Variants in PDE3B observed in about 807,000 individuals in gnomAD.
PDE3B encodes cGMP-inhibited 3',5'-cyclic phosphodiesterase 3B.
A neutral mutation model predicts 116.8 loss-of-function variants in PDE3B; 66 were observed. The ratio of observed to expected loss-of-function variants is 0.56; its 90% CI spans 0.46 to 0.69. The LOEUF is 0.69. Among genes scored for constraint, PDE3B ranks in the 30% least tolerant of loss-of-function variants. The pLI, the probability that PDE3B is intolerant of heterozygous loss-of-function variation, is 0.00. For missense variants in PDE3B, 1,384 were observed against 1,368.1 expected (o/e 1.01, Z -0.18); for synonymous variants, 595 against 533.6 (o/e 1.12, Z -1.59).
intron 1 of PDE3B, among the ~76,000 whole-genome samples, chr11:14,664,513 C>T (rs1023927236): frequency 1.3e-4 from 19 of 143,390 alleles, no homozygotes; most frequent in African/African-American, 4.6e-4. Context: ...AATTGATAGA[C>T]CGCTAACAAG....
chr11:14,877,438 T>C, the PDE3B span: 1 of 152,172 alleles, frequency 6.6e-6, no homozygotes, highest in African/African-American at 2.4e-5. Context: ...AATAGCCATT[T>C]ATCATTTTAA....
the PDE3B span, chr11:14,887,841 A>G: frequency 6.5e-6 from 1 of 153,968 alleles, no homozygotes; most frequent in African/African-American, 2.4e-5. Flanking sequence ...TTCAGAATAT[A>G]AACAGAATCA....
rs182497775 is a variant in PDE3B at position 14,845,743 on chromosome 11, T to C, written c.2520+1717T>C. Among the ~76,000 whole-genome samples, 3 of 152,180 alleles carry C rather than the reference T, an allele frequency of 2.0e-5. No homozygotes were observed. In the East Asian group the frequency reaches 5.8e-4, roughly 29 times the overall value. ...CAACCGGAAGAAAGGGTTTCGGTGA[T>C]GGAAGATGAAACGAATGAAATGAAG... On this transcript the variant is annotated intron_variant, in intron 12 of 15. Coordinates refer to ENST00000282096, the MANE Select transcript of PDE3B (RefSeq NM_000922.4).
intron 1 of PDE3B, among the ~76,000 whole-genome samples, chr11:14,760,685 C>A (rs1190122492): frequency 6.6e-6 from 1 of 152,120 alleles, no homozygotes; most frequent in Non-Finnish European, 1.5e-5. Context: ...TGGAAACAGT[C>A]ATAAGTTGAC....
chr11:14,786,664 A>G lies in PDE3B; in HGVS notation c.1257A>G (p.Lys419=), dbSNP rs1311982699. 3 of 1,611,578 alleles carry G rather than the reference A, an allele frequency of 1.9e-6. No homozygotes were observed. Among genetic ancestry groups the G allele is most frequent in the Middle Eastern group, 3.3e-4 (2 of 6,050 alleles). ...CTGAAATAGAGGACCCAGCTGAGAA[A>G]GGGGATAGAAAACTTAACAAGGTCG... ...PCSEIEDPAE[K]GDRKLNKGLN... The change falls in exon 3 of 16, where the codon AAA becomes AAG. Residue 419 remains lysine, a synonymous_variant. Transcript: ENST00000282096.
rs151241012 is a variant in PDE3B, at chr11:14,837,338, G to A, written c.2320+2243G>A. Among the ~76,000 whole-genome samples the A allele has an allele frequency of 2.0e-3, 303 of 152,254 alleles. 1 individual carries two copies. Among genetic ancestry groups the A allele is most frequent in the African/African-American group, 6.6e-3 (276 of 41,544 alleles). ...CAAGTCCTTATTCCTCTTTGCTTAC[G>A]AGTTCTCCCCCAATCTTTCTTTTTC... On this transcript the variant is annotated intron_variant, in intron 11 of 15. Coordinates refer to ENST00000282096, the MANE Select transcript of PDE3B (RefSeq NM_000922.4).
At chr11:14,722,606 A>G (rs538154062) in intron 1 of PDE3B, among the ~76,000 whole-genome samples, 3 of 152,308 alleles carry the variant, frequency 2.0e-5, no homozygotes, top group South Asian at 2.1e-4. Context: ...ATCTTGGTAA[A>G]AAGTTTTTTG....
At position 14,859,207 on chromosome 11, in the gene PDE3B, T is replaced by TA; in HGVS notation, c.2690dup (p.His898AlafsTer3). ...TTGAAGCAATCCTTGCTACGGATCTTAAAAAGCATTTTGATTTTCTCGCAG... is the reference window on the plus strand; with the variant it reads ...TTGAAGCAATCCTTGCTACGGATCTTAAAAAAGCATTTTGATTTTCTCGCAG... On this transcript the variant is annotated frameshift_variant, in exon 13 of 16. Coordinates refer to ENST00000282096, the MANE Select transcript of PDE3B (RefSeq NM_000922.4). LOFTEE classifies it high-confidence loss of function. 6.2e-7 allele frequency: 1 copy of TA among 1,612,316 alleles called. No individual in the cohort carries two copies. The highest frequency in any genetic ancestry group is 8.5e-7 in the Non-Finnish European group (1 of 1,179,362).
rs548469928 is a variant in PDE3B, at chr11:14,688,187, C to T, written c.978+43134C>T. Among the ~76,000 whole-genome samples, 14 of 151,254 alleles carry T rather than the reference C, an allele frequency of 9.3e-5. No homozygotes were observed. In the South Asian group the frequency reaches 2.5e-3, roughly 27 times the overall value. ...TCTCTCTCTCTCTCCCTCTCCCCCT[C>T]TCCCTCTTCTCTCTCTCGGAGAGAA... On this transcript the variant is annotated intron_variant, in intron 1 of 15. Transcript: ENST00000282096.
rs764976668 is a variant in PDE3B, at chr11:14,830,723, A to C, written c.1833A>C (p.Lys611Asn). 1 of 1,478,264 alleles carries C rather than the reference A, an allele frequency of 6.8e-7. No homozygotes were observed. Among genetic ancestry groups the C allele is most frequent in the South Asian group, 1.5e-5 (1 of 68,818 alleles). The allele number at this position is 1,478,264 out of a possible 1,614,324, so 91.6% of individuals were successfully genotyped here. The change falls in exon 8 of 16, where the codon AAA becomes AAC. Residue 611 changes from lysine to asparagine, a missense_variant. Lys to Asn is a moderately conservative substitution (Grantham distance 94, BLOSUM62 0). Transcript: ENST00000282096. ...GTGAAGAAGAAAACATTTTCTCGAA[A>C]GAATCATTCAAACTTATGGAAACTC... ...KSGEEENIFS[K>N]ESFKLMETQQ...
At chr11:14,661,481 G>A (rs1195690547) in intron 1 of PDE3B, among the ~76,000 whole-genome samples, 1 of 152,250 alleles carries the variant, frequency 6.6e-6, no homozygotes, top group Non-Finnish European at 1.5e-5. Context: ...AGCGCACCGT[G>A]CACGAGCCGA....
At chr11:14,767,072 G>T (rs1207139884) in intron 1 of PDE3B, among the ~76,000 whole-genome samples, 4 of 151,506 alleles carry the variant, frequency 2.6e-5, no homozygotes, top group Non-Finnish European at 5.9e-5. Flanking sequence ...ATATGCTTTT[G>T]CTAGGAGGAG....
intron 1 of PDE3B, among the ~76,000 whole-genome samples, chr11:14,761,709 G>A (rs1275508482): frequency 6.6e-6 from 1 of 151,926 alleles, no homozygotes; most frequent in African/African-American, 2.4e-5. Flanking sequence ...AAATCAAGTT[G>A]CTATGGGGCT....
intron 5 of PDE3B, among the ~76,000 whole-genome samples, chr11:14,810,533 T>C (rs10832304): frequency 0.14 from 21,386 of 151,946 alleles, 2,201 homozygotes; most frequent in African/African-American, 0.29. Context: ...TTCCATAGTG[T>C]ATATGTGCCA....
rs544825780 is a variant in PDE3B, at chr11:14,644,942, C to T, written c.867C>T (p.Ile289=). ...CCGCCGAAGAAAAAGTGCCTGTGAT[C>T]CGACCCCGGAGGAGGTCCAGCTGCG... is the stretch of plus-strand genomic sequence containing the variant. ...SSAAEEKVPV[I]RPRRRSSCVS... Residue 289 remains isoleucine (I), a synonymous_variant, in exon 1 of 16, where the codon ATC becomes ATT. Transcript: ENST00000282096. 6.2e-6 allele frequency: 10 copies of T among 1,613,964 alleles called. No individual in the cohort carries two copies. In the African/African-American group the frequency reaches 1.2e-4, roughly 19 times the overall value.
At chr11:14,688,113 T>TTCTCTCTCTC (rs35700152) in intron 1 of PDE3B, among the ~76,000 whole-genome samples, 13 of 109,942 alleles carry the variant, frequency 1.2e-4, no homozygotes, top group African/African-American at 4.2e-4. Flanking sequence ...CTCTCTCTCT[T>TTCTCTCTCTC]TCTCTCTCTC....
chr11:14,856,422 C>G (rs1460139528), intron 12 of PDE3B, among the ~76,000 whole-genome samples: 2 of 152,074 alleles, frequency 1.3e-5, no homozygotes, highest in Admixed American at 6.5e-5. Context: ...TTTCTTTACC[C>G]TATAAAAAAA....
the PDE3B span, among the ~76,000 whole-genome samples, chr11:14,884,716 T>C: frequency 8.6e-5 from 13 of 151,774 alleles, no homozygotes; most frequent in Middle Eastern, 3.4e-3. Flanking sequence ...AAAAAAGAAA[T>C]AAAAAAACAC....
At chr11:14,803,124 G>T (rs897816929) in intron 4 of PDE3B, among the ~76,000 whole-genome samples, 70 of 152,296 alleles carry the variant, frequency 4.6e-4, no homozygotes, top group African/African-American at 1.6e-3. Flanking sequence ...GGAATAAAAG[G>T]CTAATCTGTA....
Sources: allele counts gnomAD v4.1 joint callset (sites outside exome capture counted in the v4.1 genomes callset), GRCh38; gene constraint gnomAD v4.1.1; transcripts MANE v1.5; gene names NCBI Gene and HGNC (gene_info 2026-07-23, HGNC 2026-07-21).